Variants in WWOX observed in about 807,000 individuals in gnomAD.
The protein encoded by WWOX is WW domain containing oxidoreductase, also known as WW domain-containing oxidoreductase.
WWOX carries 69 observed loss-of-function variants against 46.2 expected under a neutral mutation model. That is an observed-to-expected ratio of 1.49 (90% CI 1.23 to 1.82). WWOX has a LOEUF of 1.82. Among genes scored for constraint, WWOX ranks in the 40% most tolerant of loss-of-function variants. The pLI is 0.00. For synonymous variants in WWOX, 359 were observed against 202.6 expected, an observed-to-expected ratio of 1.77 and a Z score of -6.56; for missense variants, 919 against 542.6, an observed-to-expected ratio of 1.69 and a Z score of -6.89.
chr16:78,847,702 A>G lies in WWOX; in HGVS notation c.1057-363906A>G, dbSNP rs185815581. On this transcript the variant is annotated intron_variant, in intron 8 of 8. Transcript: ENST00000566780. ...AACTCTCAGTTTCTTCTTCTATAAG[A>G]TGGAAATAATAACAACTAAAGGCTA... Among the ~76,000 whole-genome samples the G allele has an allele frequency of 1.5e-4, 23 of 152,228 alleles. No homozygotes were observed. The East Asian group carries it at 3.1e-3, about 20-fold the overall frequency.
At chr16:78,142,504 T>G (rs747606879) in intron 4 of WWOX, among the ~76,000 whole-genome samples, 1 of 152,234 alleles carries the variant, frequency 6.6e-6, no homozygotes, top group Non-Finnish European at 1.5e-5. Context: ...ACAGTTATAT[T>G]TGTGGTATCT....
intron 8 of WWOX, among the ~76,000 whole-genome samples, chr16:78,702,776 C>T (rs759310888): frequency 2.0e-5 from 3 of 152,134 alleles, no homozygotes; most frequent in Non-Finnish European, 4.4e-5. Flanking sequence ...GTCTGCACAC[C>T]TCTTGCATGT....
In WWOX at chr16:78,983,709, A is replaced by T. The variant is rs1053225130; in HGVS notation, c.1057-227899A>T. On this transcript the variant is annotated intron_variant, in intron 8 of 8. Transcript: ENST00000566780. ...ATCCCTGAATGACTGCGTGGAGCACATCTCCTTCTGGTCAATAAGGCATTT... is the reference window on the plus strand; with the variant it reads ...ATCCCTGAATGACTGCGTGGAGCACTTCTCCTTCTGGTCAATAAGGCATTT... Among the ~76,000 whole-genome samples the T allele has an allele frequency of 4.6e-5, 7 of 152,102 alleles. No individual in the cohort carries two copies. The East Asian group carries it at 1.4e-3, about 29-fold the overall frequency.
At chr16:78,432,837 G>A (rs1212190844) in intron 8 of WWOX, 85 bp downstream of exon 8, 11 of 1,594,806 alleles carry the variant, frequency 6.9e-6, no homozygotes, top group Non-Finnish European at 8.6e-6. Context: ...TACCTCTTGC[G>A]GGCATGAGTC....
intron 8 of WWOX, among the ~76,000 whole-genome samples, chr16:78,505,518 A>C (rs1877281): frequency 6.6e-6 from 1 of 151,978 alleles, no homozygotes; most frequent in East Asian, 1.9e-4. Context: ...GAGACTGTTC[A>C]AGCACTGGAT....
chr16:78,473,081 G>A (rs1408404782), intron 8 of WWOX, among the ~76,000 whole-genome samples: 4 of 152,188 alleles, frequency 2.6e-5, no homozygotes, highest in Non-Finnish European at 5.9e-5. Flanking sequence ...TTAAACTTGA[G>A]TGTCCTTAAG....
At chr16:78,339,815 G>A (rs72794006) in intron 5 of WWOX, among the ~76,000 whole-genome samples, 13,599 of 116,652 alleles carry the variant, frequency 0.12, 4,103 homozygotes, top group East Asian at 0.21. Flanking sequence ...ATTTCTATCT[G>A]CTTCTCTCTT....
chr16:78,362,798 C>T (rs1359222394), intron 5 of WWOX, among the ~76,000 whole-genome samples: 3 of 152,148 alleles, frequency 2.0e-5, no homozygotes, highest in Admixed American at 6.5e-5. Flanking sequence ...CAAGCATTAT[C>T]TTCTTTAATC....
At chr16:78,457,615 T>G (rs2083850151) in intron 8 of WWOX, among the ~76,000 whole-genome samples, 1 of 151,912 alleles carries the variant, frequency 6.6e-6, no homozygotes, top group South Asian at 2.1e-4. Context: ...AGGACGCACA[T>G]GAAAATAACA....
At chr16:79,187,130 G>T (rs1187992617) in intron 8 of WWOX, among the ~76,000 whole-genome samples, 2 of 152,106 alleles carry the variant, frequency 1.3e-5, no homozygotes, top group Admixed American at 1.3e-4. Flanking sequence ...GAACCCCCTG[G>T]GTTCAAATCC....
intron 8 of WWOX, among the ~76,000 whole-genome samples, chr16:78,546,982 G>C (rs111760952): frequency 0.043 from 6,476 of 151,968 alleles, 220 homozygotes; most frequent in Non-Finnish European, 0.066. Flanking sequence ...GAAAAAATTA[G>C]CTGGGCATGG....
intron 8 of WWOX, among the ~76,000 whole-genome samples, chr16:78,810,501 G>A (rs77593044): frequency 0.044 from 6,668 of 152,320 alleles, 181 homozygotes; most frequent in Non-Finnish European, 0.063. Context: ...TATCACTTGA[G>A]ATTCTTGGAT....
At chr16:78,464,084 G>A (rs1450352376) in intron 8 of WWOX, among the ~76,000 whole-genome samples, 2 of 152,114 alleles carry the variant, frequency 1.3e-5, no homozygotes, top group Non-Finnish European at 2.9e-5. Flanking sequence ...AGTGACAACC[G>A]GTCAGGACCT....
At chr16:79,004,678 C>T (rs1287828231) in intron 8 of WWOX, 2 of 152,250 alleles carry the variant, frequency 1.3e-5, no homozygotes, top group East Asian at 3.9e-4. Flanking sequence ...GAAGTGATGC[C>T]TGCTCAGATT....
chr16:78,468,518 C>G (rs553933034), intron 8 of WWOX, among the ~76,000 whole-genome samples: 1 of 152,106 alleles, frequency 6.6e-6, no homozygotes, highest in Non-Finnish European at 1.5e-5. Flanking sequence ...ATCTCATGGT[C>G]CATTGTCGGC....
intron 8 of WWOX, among the ~76,000 whole-genome samples, chr16:79,191,796 C>G (rs2051142068): frequency 6.6e-6 from 1 of 152,090 alleles, no homozygotes; most frequent in South Asian, 2.1e-4. Flanking sequence ...GAATAAATGT[C>G]TATTTAAAAA....
rs544409908 is a variant in WWOX at position 78,573,015 on chromosome 16, C to G, written c.1056+140263C>G. ...AAATTAAAAAAATTATAGCCGGGCA[C>G]GGTGGCTCACGCCTGTAATCCCAGC... On this transcript the variant is annotated intron_variant, in intron 8 of 8. Transcript: ENST00000566780. Among the ~76,000 whole-genome samples, 183 of 152,270 alleles carry G rather than the reference C, an allele frequency of 1.2e-3. 2 individuals are homozygous for G. Among genetic ancestry groups the G allele is most frequent in the African/African-American group, 4.2e-3 (173 of 41,552 alleles).
intron 8 of WWOX, among the ~76,000 whole-genome samples, chr16:79,116,121 C>T (rs904003734): frequency 6.6e-6 from 1 of 152,300 alleles, no homozygotes; most frequent in East Asian, 1.9e-4. Context: ...TGCTAATGAT[C>T]ATCTGAGCCT....
chr16:78,342,140 A>C (rs978776565), intron 5 of WWOX, among the ~76,000 whole-genome samples: 1 of 121,332 alleles, frequency 8.2e-6, no homozygotes, highest in Admixed American at 8.0e-5. Context: ...GAAGAAATAC[A>C]AACTATTGAA....
Sources: allele counts gnomAD v4.1 joint callset (sites outside exome capture counted in the v4.1 genomes callset), GRCh38; gene constraint gnomAD v4.1.1; transcripts MANE v1.5; gene names NCBI Gene and HGNC (gene_info 2026-07-23, HGNC 2026-07-21).